RERG: variants seen among roughly 807,000 people sequenced by gnomAD.
The protein encoded by RERG is RAS like estrogen regulated growth inhibitor, also known as ras-related and estrogen-regulated growth inhibitor.
In RERG, 25 loss-of-function variants were observed where a neutral mutation model predicts 23.2. That is an observed-to-expected ratio of 1.08 (90% CI 0.79 to 1.50). The LOEUF (loss-of-function observed/expected upper bound fraction) is 1.50, where lower values mean the gene tolerates loss of function less well. RERG is among the 40% of genes most tolerant of loss of function. The pLI is 0.00. For synonymous variants in RERG, 81 were observed against 89.1 expected (o/e 0.91, Z 0.51); for missense variants, 253 against 250.1 (o/e 1.01, Z -0.08).
rs184506295 is a variant in RERG, at chr12:15,180,252, A to T, written c.61+37177T>A. On this transcript the variant is annotated intron_variant, in intron 2 of 4. Coordinates refer to ENST00000256953, the MANE Select transcript of RERG (RefSeq NM_032918.3). ...TAGTGAACAAAGATCAGAATTATAA[A>T]ATCAAAAATAAAAATGTAGCCCTAT... Among the ~76,000 whole-genome samples the T allele has an allele frequency of 3.0e-3, 452 of 152,320 alleles. 3 individuals are homozygous for T. The highest frequency in any genetic ancestry group is 0.01 in the African/African-American group (417 of 41,578).
intron 2 of RERG, among the ~76,000 whole-genome samples, chr12:15,151,665 GATCA>G (rs1410467016): frequency 1.2e-4 from 19 of 152,158 alleles, no homozygotes; most frequent in Admixed American, 5.2e-4. Context: ...AATGGTAGTG[GATCA>G]TAGTAAATCA....
chr12:15,203,572 T>C (rs1865245687), intron 2 of RERG, among the ~76,000 whole-genome samples: 1 of 151,390 alleles, frequency 6.6e-6, no homozygotes, highest in African/African-American at 2.4e-5. Flanking sequence ...CTAACCAGAG[T>C]AACTAATCAA....
chr12:15,157,046 T>A (rs977810886), intron 2 of RERG, among the ~76,000 whole-genome samples: 1 of 152,226 alleles, frequency 6.6e-6, no homozygotes, highest in African/African-American at 2.4e-5. Context: ...GTCAGACATC[T>A]CTAAGCCTGT....
intron 2 of RERG, among the ~76,000 whole-genome samples, chr12:15,129,766 T>A (rs1864011917): frequency 6.6e-6 from 1 of 152,056 alleles, no homozygotes; most frequent in Non-Finnish European, 1.5e-5. Context: ...GTTGTGAGGT[T>A]CTTTAGAGCC....
intron 2 of RERG, among the ~76,000 whole-genome samples, chr12:15,142,264 G>C (rs1864250683): frequency 6.6e-6 from 1 of 152,024 alleles, no homozygotes; most frequent in Admixed American, 6.6e-5. Context: ...GATTCACTTT[G>C]CCAATCTTAT....
At chr12:15,189,393 A>G (rs1273020075) in intron 2 of RERG, among the ~76,000 whole-genome samples, 1 of 152,134 alleles carries the variant, frequency 6.6e-6, no homozygotes, top group African/African-American at 2.4e-5. Flanking sequence ...TTTTCCTAAA[A>G]TACATTTGTC....
rs556239280 is a variant in RERG at position 15,144,171 on chromosome 12, A to G, written c.62-23052T>C. 1.2e-4 allele frequency among the ~76,000 whole-genome samples: 19 copies of G among 152,304 alleles called. No individual in the cohort carries two copies. In the South Asian group the frequency reaches 3.7e-3, roughly 30 times the overall value. On this transcript the variant is annotated intron_variant, in intron 2 of 4. Coordinates refer to ENST00000256953, the MANE Select transcript of RERG (RefSeq NM_032918.3). The stretch of plus-strand genomic sequence containing the variant: ...TGAAGTTCCATTTCCTGAGATAAAG[A>G]AAGACTGCAGGAAAAGCAGGTTGGA...
intron 2 of RERG, among the ~76,000 whole-genome samples, chr12:15,202,844 T>C (rs918240063): frequency 6.6e-6 from 1 of 151,736 alleles, no homozygotes; most frequent in African/African-American, 2.4e-5. Context: ...CATATGGTAG[T>C]TCTAATTTTA....
intron 2 of RERG, among the ~76,000 whole-genome samples, chr12:15,127,560 C>A (rs1863970929): frequency 6.6e-6 from 1 of 152,154 alleles, no homozygotes; most frequent in Non-Finnish European, 1.5e-5. Flanking sequence ...GACCTCACAC[C>A]ACTATCAGCC....
intron 2 of RERG, among the ~76,000 whole-genome samples, chr12:15,126,386 C>T (rs908356108): frequency 1.3e-5 from 2 of 151,934 alleles, no homozygotes; most frequent in Non-Finnish European, 2.9e-5. Context: ...TTCTAACACA[C>T]GTGATGTGCT....
At chr12:15,201,629 ATTAG>A (rs1223450228) in intron 2 of RERG, among the ~76,000 whole-genome samples, 1 of 149,260 alleles carries the variant, frequency 6.7e-6, no homozygotes, top group Non-Finnish European at 1.5e-5. Flanking sequence ...AATATTAATT[ATTAG>A]TAATTGTTAG....
At chr12:15,126,714 C>CTCTTTCTTTTTTT in intron 2 of RERG, among the ~76,000 whole-genome samples, 1 of 85,714 alleles carries the variant, frequency 1.2e-5, no homozygotes. Context: ...ATTTCTTTTT[C>CTCTTTCTTTTTTT]TTTTTCTTTC....
rs17822209 is a variant in RERG at position 15,186,195 on chromosome 12, A to C, written c.61+31234T>G. ...TCTCTTATATACATTATTTCAGAGG[A>C]TACCCAAATAGCTATACAAATTATA... is the stretch of plus-strand genomic sequence containing the variant. On this transcript the variant is annotated intron_variant, in intron 2 of 4. Coordinates refer to ENST00000256953, the MANE Select transcript of RERG (RefSeq NM_032918.3). Among the ~76,000 whole-genome samples, 1,400 of 151,778 alleles carry C rather than the reference A, an allele frequency of 9.2e-3. 35 individuals are homozygous for C. The East Asian group carries it at 0.099, about 11-fold the overall frequency.
At chr12:15,121,041 A>C (rs1417913261) in intron 3 of RERG, 22 bp downstream of exon 3, 3 of 1,578,580 alleles carry the variant, frequency 1.9e-6, no homozygotes, top group Non-Finnish European at 2.6e-6. Context: ...TGAAGAGGAG[A>C]AGGAAACAAA....
chr12:15,221,045 A>G (rs1865505496), intron 1 of RERG, 150 bp downstream of exon 1: 1 of 152,170 alleles, frequency 6.6e-6, no homozygotes, highest in Non-Finnish European at 1.5e-5. Flanking sequence ...TGGTGTTCAC[A>G]TCTCCCTCGC....
chr12:15,182,877 C>A (rs1864942870), intron 2 of RERG, among the ~76,000 whole-genome samples: 1 of 152,054 alleles, frequency 6.6e-6, no homozygotes, highest in Non-Finnish European at 1.5e-5. Context: ...GAGTTTGAAA[C>A]CAGCATGGGC....
intron 4 of RERG, 134 bp from the exon 5 acceptor site, chr12:15,109,651 T>G (rs1438079797): frequency 1.6e-5 from 10 of 644,070 alleles, no homozygotes; most frequent in Admixed American, 5.6e-5. Context: ...GTACTCTAAT[T>G]GTACAAACTT....
At chr12:15,173,987 C>A (rs1864811531) in intron 2 of RERG, among the ~76,000 whole-genome samples, 1 of 151,880 alleles carries the variant, frequency 6.6e-6, no homozygotes. Flanking sequence ...TTTACTTATG[C>A]AGTTACCTTT....
intron 2 of RERG, among the ~76,000 whole-genome samples, chr12:15,134,555 C>G (rs1864111001): frequency 6.6e-6 from 1 of 152,000 alleles, no homozygotes; most frequent in Non-Finnish European, 1.5e-5. Flanking sequence ...GTCCTTCTCA[C>G]TTAATATTGT....
Sources: gnomAD v4.1 joint callset for allele counts (sites outside exome capture counted in the v4.1 genomes callset) on GRCh38, gnomAD v4.1.1 for gene constraint, MANE v1.5 for transcripts, NCBI Gene and HGNC (gene_info 2026-07-23, HGNC 2026-07-21) for gene names.